CCDC3: variants seen among roughly 807,000 people sequenced by gnomAD.
CCDC3 encodes the protein coiled-coil domain-containing protein 3.
Under a neutral mutation model 21.4 loss-of-function variants are expected in CCDC3, and 24 were observed. The ratio of observed to expected loss-of-function variants is 1.12; its 90% CI spans 0.81 to 1.58. CCDC3 has a LOEUF of 1.58. Ranked by LOEUF, CCDC3 falls within the 40% of genes most tolerant of loss-of-function variation. CCDC3 has a pLI of 0.00. For synonymous variants in CCDC3, 186 were observed against 166.0 expected, an observed-to-expected ratio of 1.12 and a Z score of -0.93; for missense variants, 425 against 360.9, an observed-to-expected ratio of 1.18 and a Z score of -1.44.
At chr10:12,904,491 A>AAAAAAAAAAT (rs1834142218) in intron 2 of CCDC3, among the ~76,000 whole-genome samples, 1 of 149,950 alleles carries the variant, frequency 6.7e-6, no homozygotes, top group African/African-American at 2.4e-5. Flanking sequence ...AAAAAAAAAA[A>AAAAAAAAAAT]GACTGGCTCA....
upstream of CCDC3, among the ~76,000 whole-genome samples, chr10:13,005,627 C>T (rs945433371): frequency 2.0e-5 from 3 of 152,158 alleles, no homozygotes; most frequent in Admixed American, 6.5e-5. Context: ...CACTAAAACC[C>T]CAGAGTTTTG....
chr10:12,939,652 TGGG>T (rs1564291427), intron 2 of CCDC3, among the ~76,000 whole-genome samples: 1 of 5,456 alleles, frequency 1.8e-4, no homozygotes, highest in African/African-American at 5.5e-4. Flanking sequence ...TGAGATACCC[TGGG>T]AAAGCGGATC....
At chr10:13,094,242 A>AGATGAT (rs71386151) in intron 3 of CCDC3, among the ~76,000 whole-genome samples, 13 of 146,856 alleles carry the variant, frequency 8.9e-5, no homozygotes, top group African/African-American at 3.3e-4. Flanking sequence ...TTACTTTTCA[A>AGATGAT]GATGATGATG....
chr10:12,920,591 G>A (rs574556651), intron 2 of CCDC3, among the ~76,000 whole-genome samples: 31 of 152,284 alleles, frequency 2.0e-4, no homozygotes, highest in Admixed American at 6.5e-4. Flanking sequence ...AAAAGTAATC[G>A]TGGTTTTTGC....
At chr10:13,040,787 T>C (rs1398742734) in intron 5 of CCDC3, among the ~76,000 whole-genome samples, 4 of 151,684 alleles carry the variant, frequency 2.6e-5, no homozygotes, top group African/African-American at 7.3e-5. Flanking sequence ...GTTACTAAAC[T>C]GGCCACCTGC....
At chr10:13,088,909 G>T (rs1446064842) in intron 3 of CCDC3, among the ~76,000 whole-genome samples, 1 of 151,714 alleles carries the variant, frequency 6.6e-6, no homozygotes, top group Non-Finnish European at 1.5e-5. Flanking sequence ...ACTCAGGAGG[G>T]TGAGGCAGGA....
At chr10:13,057,824 T>A (rs567530588) in intron 4 of CCDC3, 45 of 306,286 alleles carry the variant, frequency 1.5e-4, no homozygotes, top group African/African-American at 9.7e-4. Context: ...GAGGTTGCAG[T>A]GAGCTGAGAT....
At chr10:12,904,354 A>G (rs1834139502) in intron 2 of CCDC3, among the ~76,000 whole-genome samples, 1 of 149,948 alleles carries the variant, frequency 6.7e-6, no homozygotes, top group South Asian at 2.1e-4. Context: ...CTGTGGTCCC[A>G]GCTACTTGGG....
chr10:12,935,838 G>A (rs1834728913), intron 2 of CCDC3, among the ~76,000 whole-genome samples: 1 of 151,950 alleles, frequency 6.6e-6, no homozygotes, highest in Admixed American at 6.6e-5. Context: ...GCCAACCCAA[G>A]TACACTTTCA....
In CCDC3 at chr10:13,041,504, A is replaced by ATTTTT. The variant is rs71477255; in HGVS notation, c.-2+8165_-2+8169dup. Among the ~76,000 whole-genome samples, 170 of 62,098 alleles carry ATTTTT rather than the reference A, an allele frequency of 2.7e-3. 41 individuals are homozygous for ATTTTT. The highest frequency in any genetic ancestry group is 0.022 in the Middle Eastern group (2 of 92). The allele number at this position is 62,098 out of a possible 152,430, so 40.7% of individuals were successfully genotyped here. ...GTTCACTCCAAGTGTCTGGCAGATA[A>ATTTTT]TTTTTTTTTTTTTTTTTTTTTTTTT... On this transcript the variant is annotated intron_variant, in intron 5 of 6. Transcript: ENST00000378839.
At chr10:12,914,339 T>C (rs1332418233) in intron 2 of CCDC3, among the ~76,000 whole-genome samples, 1 of 152,200 alleles carries the variant, frequency 6.6e-6, no homozygotes, top group Non-Finnish European at 1.5e-5. Flanking sequence ...ATCCATTTCT[T>C]GTAAGTTATC....
At chr10:12,953,482 A>G (rs187902107) in intron 2 of CCDC3, among the ~76,000 whole-genome samples, 1 of 152,378 alleles carries the variant, frequency 6.6e-6, no homozygotes, top group African/African-American at 2.4e-5. Flanking sequence ...CAGAGAGAAT[A>G]CAGGTACGAT....
intron 2 of CCDC3, among the ~76,000 whole-genome samples, chr10:12,962,109 T>C (rs1835188247): frequency 6.6e-6 from 1 of 152,210 alleles, no homozygotes; most frequent in Non-Finnish European, 1.5e-5. Flanking sequence ...CTTCATGCTG[T>C]GTAAGAGCTC....
At chr10:13,032,132 G>T (rs1836313165) in intron 5 of CCDC3, among the ~76,000 whole-genome samples, 3 of 151,604 alleles carry the variant, frequency 2.0e-5, no homozygotes, top group South Asian at 2.1e-4. Flanking sequence ...ACATCAAAAA[G>T]CTTATCCACC....
At chr10:12,999,819 T>G (rs113348686) in intron 1 of CCDC3, among the ~76,000 whole-genome samples, 3,704 of 152,308 alleles carry the variant, frequency 0.024, 171 homozygotes, top group African/African-American at 0.084. Context: ...TATAGATGGT[T>G]TCTCAGTATC....
intron 2 of CCDC3, among the ~76,000 whole-genome samples, chr10:12,909,439 G>A (rs1187310043): frequency 1.3e-5 from 2 of 152,194 alleles, no homozygotes; most frequent in African/African-American, 4.8e-5. Flanking sequence ...GCTTACTCCT[G>A]CCCTGCCCAT....
chr10:12,970,004 T>A (rs761930615), intron 2 of CCDC3, among the ~76,000 whole-genome samples: 1 of 152,214 alleles, frequency 6.6e-6, no homozygotes, highest in African/African-American at 2.4e-5. Flanking sequence ...TAAAACAGGA[T>A]AGCCTGCAAT....
At chr10:12,911,897 A>C (rs952774467) in intron 2 of CCDC3, among the ~76,000 whole-genome samples, 24 of 152,350 alleles carry the variant, frequency 1.6e-4, no homozygotes, top group African/African-American at 5.3e-4. Flanking sequence ...AATATTAATA[A>C]GATCATGCAG....
At chr10:13,020,529 T>C (rs601733) in intron 5 of CCDC3, among the ~76,000 whole-genome samples, 103,652 of 152,094 alleles carry the variant, frequency 0.68, 35,884 homozygotes, top group East Asian at 0.83. Flanking sequence ...ACAACACATT[T>C]CTTTCTTGAT....
Sources: allele counts gnomAD v4.1 joint callset (sites outside exome capture counted in the v4.1 genomes callset), GRCh38; gene constraint gnomAD v4.1.1; transcripts MANE v1.5; gene names NCBI Gene and HGNC (gene_info 2026-07-23, HGNC 2026-07-21).